Variants in ABHD8 observed in about 807,000 individuals in gnomAD.
ABHD8 encodes protein ABHD8.
ABHD8 carries 10 observed loss-of-function variants against 29.3 expected under a neutral mutation model. The observed-to-expected ratio is 0.34, with a 90% confidence interval of 0.21 to 0.58. The LOEUF is 0.58. ABHD8 is among the 20% of genes least tolerant of loss of function. The pLI is 0.85. For synonymous variants in ABHD8, 282 were observed against 274.6 expected, an observed-to-expected ratio of 1.03 and a Z score of -0.27; for missense variants, 556 against 615.3, an observed-to-expected ratio of 0.90 and a Z score of 1.02.
chr19:17,297,859 G>A (rs1319163330), intron 2 of ABHD8: 1 of 150,472 alleles, frequency 6.6e-6, no homozygotes, highest in Non-Finnish European at 1.5e-5. Context: ...GCTTCCCAAA[G>A]TGTTGGGATT....
chr19:17,300,841 C>T lies in ABHD8; in HGVS notation c.761+15G>A. 1 of 1,572,402 alleles carries T rather than the reference C, an allele frequency of 6.4e-7. No individual in the cohort carries two copies. The highest frequency in any genetic ancestry group is 1.2e-5 in the South Asian group (1 of 85,792). On this transcript the variant is annotated intron_variant, in intron 2 of 4. Coordinates refer to ENST00000247706, the MANE Select transcript of ABHD8 (RefSeq NM_024527.5). ...CCATCCCTCACCCCCACCCCACATGCCAGGGTTCACTTACCCGTAGGAATG... is the reference window on the plus strand; with the variant it reads ...CCATCCCTCACCCCCACCCCACATGTCAGGGTTCACTTACCCGTAGGAATG...
chr19:17,292,458 G>A lies in ABHD8; in HGVS notation c.*203C>T, dbSNP rs1265824960. On this transcript the variant is annotated 3_prime_UTR_variant, in exon 5 of 5. Coordinates refer to ENST00000247706, the MANE Select transcript of ABHD8 (RefSeq NM_024527.5). ...CCCAAAACGCCGATGGGCCCCGCGG[G>A]ACGGAAGCGGAGAGCGGAATGTCCG... is the stretch of plus-strand genomic sequence containing the variant. 8 of 604,052 alleles carry A rather than the reference G, an allele frequency of 1.3e-5. No homozygotes were observed. The highest frequency in any genetic ancestry group is 2.1e-5 in the Non-Finnish European group (8 of 375,078). The allele number at this position is 604,052 out of a possible 1,614,324, so 37.4% of individuals were successfully genotyped here. A position where few individuals can be genotyped will look rare whatever the true frequency, so the allele number is the denominator to read the frequency against.
At position 17,294,432 on chromosome 19, in the gene ABHD8, G is replaced by A. The variant is rs1568346709; in HGVS notation, c.1005C>T (p.Ser335=). The change falls in exon 4 of 5, where the codon TCC becomes TCT. Residue 335 remains serine, a synonymous_variant. Coordinates refer to ENST00000247706, the MANE Select transcript of ABHD8 (RefSeq NM_024527.5). ...LKEGNAFNVS[S]FVLRAMMSGQ... is the part of the protein sequence containing the mutation. ...CGCTCATCATGGCCCGGAGTACGAA[G>A]GATGACACGTTGAAAGCGTTGCCCT... is the stretch of plus-strand genomic sequence containing the variant. 1.2e-6 allele frequency: 2 copies of A among 1,614,042 alleles called. No homozygotes were observed. The highest frequency in any genetic ancestry group is 2.2e-5 in the South Asian group (2 of 91,092).
rs2074119188 is a variant in ABHD8, at chr19:17,301,570, G to A, written c.47C>T (p.Thr16Met). The A allele has an allele frequency of 2.5e-6, 4 of 1,593,730 alleles. No homozygotes were observed. The highest frequency in any genetic ancestry group is 1.1e-5 in the South Asian group (1 of 89,530). Reference protein sequence around the residue: ...TDGIFCCLLGTPPNAVGPLES... With the variant: ...TDGIFCCLLGMPPNAVGPLES... ...CAGTGGCCCCACGGCGTTGGGGGGCGTGCCCAGCAGGCAACAGAAGATACC... is the reference window on the plus strand; with the variant it reads ...CAGTGGCCCCACGGCGTTGGGGGGCATGCCCAGCAGGCAACAGAAGATACC... Residue 16 changes from threonine (T) to methionine (M), a missense_variant, in exon 2 of 5, where the codon ACG (threonine) becomes ATG (methionine). Physicochemically the swap from Thr to Met is moderately conservative, Grantham distance 81. Around this residue, in one of 2 missense-constraint regions of ABHD8, gnomAD observed 286 missense variants for 261.4 expected, o/e 1.09. Transcript: ENST00000247706.
intron 1 of ABHD8, chr19:17,302,785 C>G (rs1270848697): frequency 6.6e-6 from 1 of 152,444 alleles, no homozygotes; most frequent in Non-Finnish European, 1.5e-5. Flanking sequence ...CTTGGGCCAC[C>G]CCCGCCCCCG....
At position 17,300,896 on chromosome 19, in the gene ABHD8, A is replaced by G; in HGVS notation, c.721T>C (p.Tyr241His). 1 of 1,603,228 alleles carries G rather than the reference A, an allele frequency of 6.2e-7. No individual in the cohort carries two copies. Among genetic ancestry groups the G allele is most frequent in the Non-Finnish European group, 8.5e-7 (1 of 1,172,288 alleles). ...AEDMRAIFKR[Y>H]AKKRNVLIGH... ...ATGAGCACATTTCGCTTCTTGGCATAGCGCTTGAAGATTGCTCGCATGTCC... is the reference window on the plus strand; with the variant it reads ...ATGAGCACATTTCGCTTCTTGGCATGGCGCTTGAAGATTGCTCGCATGTCC... The change falls in exon 2 of 5, where the codon TAT (tyrosine) becomes CAT (histidine). Residue 241 changes from tyrosine (Y) to histidine (H), a missense_variant. By Grantham distance (83) the Tyr-to-His change is moderately conservative. Around this residue, in one of 2 missense-constraint regions of ABHD8, gnomAD observed 270 missense variants for 353.9 expected, o/e 0.76. Transcript: ENST00000247706.
rs1276644683 is a variant in ABHD8, at chr19:17,301,150, C to G, written c.467G>C (p.Arg156Thr). 6.2e-7 allele frequency: 1 copy of G among 1,611,884 alleles called. No individual in the cohort carries two copies. ...CTTCTCACAGTCAATATGGATGGTC[C>G]TCTTGGGGCGCCTGGCTCGCCGCCG... ...GRRRRARRPK[R>T]TIHIDCEKRI... The change falls in exon 2 of 5, where the codon AGG (arginine) becomes ACG (threonine). Residue 156 changes from arginine to threonine, a missense_variant. Arg to Thr is a moderately conservative substitution (Grantham distance 71). Around this residue, in one of 2 missense-constraint regions of ABHD8, gnomAD observed 286 missense variants for 261.4 expected, o/e 1.09. Transcript: ENST00000247706.
rs200349196 is a variant in ABHD8 at position 17,294,633 on chromosome 19, C to G, written c.932+42G>C. 30 of 1,608,732 alleles carry G rather than the reference C, an allele frequency of 1.9e-5. No individual in the cohort carries two copies. The South Asian group carries it at 2.6e-4, about 14-fold the overall frequency. ...TCCAACTCGAGCAGATGCCTGGGTT[C>G]GCCAGGGCCAGGATCACGGTCTTTG... On this transcript the variant is annotated intron_variant, in intron 3 of 4. Transcript: ENST00000247706.
chr19:17,296,737 C>T (rs1189378807), intron 2 of ABHD8: 4 of 151,306 alleles, frequency 2.6e-5, no homozygotes, highest in African/African-American at 9.7e-5. Flanking sequence ...CTCTGTTGCC[C>T]ACGCTGGAGC....
chr19:17,301,800 G>GTGTC (rs1568348891), intron 1 of ABHD8, among the ~76,000 whole-genome samples, 176 bp from the exon 2 acceptor site: 1 of 143,862 alleles, frequency 7.0e-6, no homozygotes, highest in Non-Finnish European at 1.6e-5. Context: ...GTGTGTGTGT[G>GTGTC]TGTGTGTGTT....
chr19:17,294,942 T>C (rs1225619144), intron 2 of ABHD8, 97 bp from the exon 3 acceptor site: 1 of 1,430,154 alleles, frequency 7.0e-7, no homozygotes, highest in African/African-American at 1.4e-5. Flanking sequence ...TTGTTTTTGT[T>C]TGAGACAGTT....
Position 17,299,337 on chromosome 19 carries a change from G to A in ABHD8, c.761+1519C>T, listed in dbSNP as rs866950958. Among the ~76,000 whole-genome samples, 16 of 151,594 alleles carry A rather than the reference G, an allele frequency of 1.1e-4. No individual in the cohort carries two copies. In the South Asian group the frequency reaches 2.3e-3, roughly 22 times the overall value. The stretch of plus-strand genomic sequence containing the variant: ...AGCGCTTTGGGAGGCCGAGGAGGGC[G>A]AATCACGAGGTCAGGAGATCGAGAC... On this transcript the variant is annotated intron_variant, in intron 2 of 4. Transcript: ENST00000247706.
intron 4 of ABHD8, among the ~76,000 whole-genome samples, chr19:17,293,999 G>C (rs963097720): frequency 6.6e-6 from 1 of 152,092 alleles, no homozygotes; most frequent in African/African-American, 2.4e-5. Context: ...CAAATCCTCC[G>C]CTGTGAGGAG....
Position 17,292,308 on chromosome 19 carries a change from C to T in ABHD8, c.*353G>A. 1 of 385,078 alleles carries T rather than the reference C, an allele frequency of 2.6e-6. No homozygotes were observed. The highest frequency in any genetic ancestry group is 4.6e-6 in the Non-Finnish European group (1 of 216,124). 23.9% of individuals were successfully genotyped at this position (385,078 alleles called of 1,614,324 possible). A position where few individuals can be genotyped will look rare whatever the true frequency, so the allele number is the denominator to read the frequency against. On this transcript the variant is annotated 3_prime_UTR_variant, in exon 5 of 5. Transcript: ENST00000247706. Reference sequence around the variant, plus strand: ...GGGTCCCTGTGGGGCTCGTGGGTCCCAGGATCAAGCACGGCTGACACGGAA... The same window carrying T: ...GGGTCCCTGTGGGGCTCGTGGGTCCTAGGATCAAGCACGGCTGACACGGAA...
chr19:17,300,883 C>T lies in ABHD8; in HGVS notation c.734G>A (p.Arg245Gln). The T allele has an allele frequency of 1.3e-6, 2 of 1,599,338 alleles. No individual in the cohort carries two copies. The highest frequency in any genetic ancestry group is 2.2e-5 in the East Asian group (1 of 44,500). ...GTAGGAATGGCCAATGAGCACATTT[C>T]GCTTCTTGGCATAGCGCTTGAAGAT... Reference protein sequence around the residue: ...RAIFKRYAKKRNVLIGHSYGV... With the variant: ...RAIFKRYAKKQNVLIGHSYGV... Residue 245 changes from arginine to glutamine, a missense_variant, in exon 2 of 5, where the codon CGA becomes CAA. Physicochemically the swap from Arg to Gln is conservative, Grantham distance 43. This residue lies in a region of ABHD8 where 270 missense variants were observed against 353.9 expected (regional missense o/e 0.76). Transcript: ENST00000247706.
At position 17,301,294 on chromosome 19, in the gene ABHD8, T is replaced by A. The variant is rs1050142434; in HGVS notation, c.323A>T (p.Asn108Ile). 1 of 1,606,960 alleles carries A rather than the reference T, an allele frequency of 6.2e-7. No homozygotes were observed. The highest frequency in any genetic ancestry group is 8.5e-7 in the Non-Finnish European group (1 of 1,179,712). Residue 108 changes from asparagine to isoleucine, a missense_variant, in exon 2 of 5, where the codon AAT becomes ATT. By Grantham distance (149) the Asn-to-Ile change is moderately radical. Coordinates refer to ENST00000247706, the MANE Select transcript of ABHD8 (RefSeq NM_024527.5). ...APRADLLHGQ[N>I]GSGEPPAALE... The stretch of plus-strand genomic sequence containing the variant: ...GGCGGCCGGCGGCTCCCCAGAGCCA[T>A]TCTGCCCGTGTAGGAGGTCGGCTCG...
intron 2 of ABHD8, among the ~76,000 whole-genome samples, chr19:17,295,333 C>T (rs775831919): frequency 6.6e-6 from 1 of 152,048 alleles, no homozygotes; most frequent in Non-Finnish European, 1.5e-5. Context: ...TCTCAAATTC[C>T]TGACCTCAAG....
At position 17,301,123 on chromosome 19, in the gene ABHD8, C is replaced by T. The variant is rs775912056; in HGVS notation, c.494G>A (p.Arg165His). 3.1e-6 allele frequency: 5 copies of T among 1,613,032 alleles called. No individual in the cohort carries two copies. Among genetic ancestry groups the T allele is most frequent in the South Asian group, 2.2e-5 (2 of 91,082 alleles). The change falls in exon 2 of 5, where the codon CGC becomes CAC. Residue 165 changes from arginine to histidine, a missense_variant. Around this residue, in one of 2 missense-constraint regions of ABHD8, gnomAD observed 286 missense variants for 261.4 expected, o/e 1.09. Coordinates refer to ENST00000247706, the MANE Select transcript of ABHD8 (RefSeq NM_024527.5). ...CTGGGCGCCTTTGCAGCTAGTGATG[C>T]GCTTCTCACAGTCAATATGGATGGT... Reference protein sequence around the residue: ...KRTIHIDCEKRITSCKGAQAD... With the variant: ...KRTIHIDCEKHITSCKGAQAD...
intron 2 of ABHD8, among the ~76,000 whole-genome samples, chr19:17,295,258 AC>A (rs974496044): frequency 1.5e-4 from 23 of 151,840 alleles, no homozygotes; most frequent in African/African-American, 4.6e-4. Flanking sequence ...GGCGCCCGCC[AC>A]CGCGCCCGGC....
Sources: allele counts gnomAD v4.1 joint callset (sites outside exome capture counted in the v4.1 genomes callset), GRCh38; gene constraint gnomAD v4.1.1; regional missense constraint gnomAD v4.1.1; transcripts MANE v1.5; gene names NCBI Gene and HGNC (gene_info 2026-07-23, HGNC 2026-07-21).